Variants in CNTN5 observed in about 807,000 individuals in gnomAD.
The protein encoded by CNTN5 is contactin 5, also known as contactin-5.
In CNTN5, 77 loss-of-function variants were observed where a neutral mutation model predicts 129.1. The ratio of observed to expected loss-of-function variants is 0.60; its 90% confidence interval spans 0.50 to 0.72. The LOEUF is 0.72. CNTN5 is among the 30% of genes least tolerant of loss of function. CNTN5 has a pLI of 0.00. For missense variants in CNTN5, 1,478 were observed against 1,328.8 expected, an observed-to-expected ratio of 1.11 and a Z score of -1.75; for synonymous variants, 509 against 465.6, an observed-to-expected ratio of 1.09 and a Z score of -1.20.
intron 1 of CNTN5, among the ~76,000 whole-genome samples, 170 bp from the exon 2 acceptor site, chr11:99,325,176 T>A (rs1865730601): frequency 6.6e-6 from 1 of 152,068 alleles, no homozygotes; most frequent in African/African-American, 2.4e-5. Context: ...TACATAAATA[T>A]ACCTAATTAG....
intron 1 of CNTN5, among the ~76,000 whole-genome samples, chr11:99,207,203 A>G (rs1329084026): frequency 6.6e-6 from 1 of 152,156 alleles, no homozygotes; most frequent in East Asian, 1.9e-4. Flanking sequence ...TGTGAATTTA[A>G]TAATGTTAAC....
chr11:100,063,812 A>G (rs560465389), intron 10 of CNTN5, among the ~76,000 whole-genome samples: 3 of 152,048 alleles, frequency 2.0e-5, no homozygotes, highest in Admixed American at 2.0e-4. Context: ...ACCTGAACCC[A>G]GAAAGTCAAC....
At chr11:99,681,151 T>C (rs971917373) in intron 3 of CNTN5, among the ~76,000 whole-genome samples, 161 of 152,216 alleles carry the variant, frequency 1.1e-3, no homozygotes, top group Non-Finnish European at 2.1e-3. Context: ...TGCAGTTCCT[T>C]GAAATGGAAT....
At chr11:100,334,480 C>T (rs144109337) in intron 21 of CNTN5, among the ~76,000 whole-genome samples, 13 of 152,220 alleles carry the variant, frequency 8.5e-5, no homozygotes, top group African/African-American at 3.1e-4. Context: ...TACTTGCACA[C>T]ACGTTTATAG....
At chr11:99,312,178 A>C (rs1865141546) in intron 1 of CNTN5, among the ~76,000 whole-genome samples, 1 of 152,228 alleles carries the variant, frequency 6.6e-6, no homozygotes, top group South Asian at 2.1e-4. Flanking sequence ...CAAAACAAAA[A>C]ATAAATTAAA....
chr11:99,651,241 C>A (rs1952144901), intron 3 of CNTN5, among the ~76,000 whole-genome samples: 1 of 151,700 alleles, frequency 6.6e-6, no homozygotes, highest in Non-Finnish European at 1.5e-5. Flanking sequence ...AAACAATCAT[C>A]AAAAATTTAG....
intron 3 of CNTN5, among the ~76,000 whole-genome samples, chr11:99,780,632 T>G (rs555580820): frequency 6.6e-6 from 1 of 152,222 alleles, no homozygotes; most frequent in Admixed American, 6.5e-5. Flanking sequence ...TGGACAATAT[T>G]AAAATTTTAA....
At chr11:99,646,173 G>A (rs952607863) in intron 3 of CNTN5, among the ~76,000 whole-genome samples, 1 of 152,082 alleles carries the variant, frequency 6.6e-6, no homozygotes, top group Non-Finnish European at 1.5e-5. Flanking sequence ...TGTTTATTTT[G>A]TCGGGCAGCT....
chr11:99,711,330 A>G (rs1954978361), intron 3 of CNTN5, among the ~76,000 whole-genome samples: 1 of 151,858 alleles, frequency 6.6e-6, no homozygotes, highest in Admixed American at 6.6e-5. Flanking sequence ...GTTTTTGGTG[A>G]TTGTATTGTT....
At chr11:99,409,928 A>G (rs4279979) in intron 2 of CNTN5, among the ~76,000 whole-genome samples, 18,591 of 152,278 alleles carry the variant, frequency 0.12, 1,238 homozygotes, top group Non-Finnish European at 0.16. Context: ...ATTTATTGTT[A>G]CTATATTCCA....
intron 1 of CNTN5, among the ~76,000 whole-genome samples, chr11:99,214,373 T>A (rs540580182): frequency 2.1e-5 from 3 of 141,218 alleles, no homozygotes; most frequent in African/African-American, 5.2e-5. Context: ...TACCAAAAAA[T>A]ATATATATTA....
At chr11:99,679,058 TTA>T (rs1708096208) in intron 3 of CNTN5, among the ~76,000 whole-genome samples, 1 of 147,238 alleles carries the variant, frequency 6.8e-6, no homozygotes, top group Non-Finnish European at 1.5e-5. Context: ...TTATATATAC[TTA>T]TATATGTCTT....
intron 4 of CNTN5, among the ~76,000 whole-genome samples, chr11:99,833,766 C>G (rs1455077788): frequency 6.6e-6 from 1 of 152,244 alleles, no homozygotes; most frequent in African/African-American, 2.4e-5. Context: ...TCATCCTGTT[C>G]AAGACCCTCT....
At chr11:100,006,572 C>T (rs1386301111) in intron 9 of CNTN5, among the ~76,000 whole-genome samples, 3 of 152,142 alleles carry the variant, frequency 2.0e-5, no homozygotes, top group Admixed American at 6.6e-5. Context: ...CAACTTTTAT[C>T]GTGAGATTGC....
chr11:100,065,361 T>C (rs1407945064), intron 10 of CNTN5, among the ~76,000 whole-genome samples: 1 of 152,120 alleles, frequency 6.6e-6, no homozygotes, highest in Non-Finnish European at 1.5e-5. Flanking sequence ...TATACTGTTA[T>C]AAAGATGAAT....
At chr11:100,289,269 A>G (rs890503048) in intron 18 of CNTN5, among the ~76,000 whole-genome samples, 14 of 152,190 alleles carry the variant, frequency 9.2e-5, no homozygotes, top group Admixed American at 2.6e-4. Context: ...TGAGGGCAGC[A>G]TCATCCTGAT....
At chr11:99,575,211 T>A (rs1949305975) in intron 3 of CNTN5, among the ~76,000 whole-genome samples, 1 of 152,180 alleles carries the variant, frequency 6.6e-6, no homozygotes, top group African/African-American at 2.4e-5. Flanking sequence ...TAATATTTAC[T>A]AAAATATGTA....
Position 99,401,997 on chromosome 11 carries a change from G to A in CNTN5, c.-71+76513G>A, listed in dbSNP as rs574352903. ...AGTCTGTAGGTTTTTTCACGTTTAAGATTGTATTATGTGCAAACAAGGATA... is the reference window on the plus strand; with the variant it reads ...AGTCTGTAGGTTTTTTCACGTTTAAAATTGTATTATGTGCAAACAAGGATA... On this transcript the variant is annotated intron_variant, in intron 2 of 24. Transcript: ENST00000524871. Among the ~76,000 whole-genome samples, 45 of 152,180 alleles carry A rather than the reference G, an allele frequency of 3.0e-4. 1 individual carries two copies. In the South Asian group the frequency reaches 8.9e-3, roughly 30 times the overall value.
chr11:99,368,909 A>T (rs1394035696), intron 2 of CNTN5, among the ~76,000 whole-genome samples: 1 of 152,020 alleles, frequency 6.6e-6, no homozygotes, highest in Non-Finnish European at 1.5e-5. Context: ...TAGTGCAAAA[A>T]CACTGGAGAA....
Sources: allele counts gnomAD v4.1 joint callset (sites outside exome capture counted in the v4.1 genomes callset), GRCh38; gene constraint gnomAD v4.1.1; transcripts MANE v1.5; gene names NCBI Gene and HGNC (gene_info 2026-07-23, HGNC 2026-07-21).